GNAI2: variants seen among roughly 807,000 people sequenced by gnomAD.
GNAI2 encodes the protein guanine nucleotide-binding protein G(i) subunit alpha-2.
A neutral mutation model predicts 36.8 loss-of-function variants in GNAI2; 4 were observed. That is an observed-to-expected ratio of 0.11 (90% CI 0.05 to 0.25). The LOEUF (loss-of-function observed/expected upper bound fraction) is 0.25, where lower values mean the gene tolerates loss of function less well. Among genes scored for constraint, GNAI2 ranks in the 10% least tolerant of loss-of-function variants. The pLI is 1.00. For synonymous variants in GNAI2, 194 were observed against 194.1 expected (o/e 1.00, Z 0.01); for missense variants, 230 against 481.3 (o/e 0.48, Z 4.89).
chr3:50,246,817 G>T (rs1393070245), intron 1 of GNAI2: 10 of 1,024,216 alleles, frequency 9.8e-6, no homozygotes, highest in Non-Finnish European at 1.2e-5. Context: ...TGGGCAGGAA[G>T]GAGGCCCCAG....
rs1168688852 is a variant in GNAI2 at position 50,252,230 on chromosome 3, G to A, written c.161+88G>A. 5.6e-6 allele frequency: 8 copies of A among 1,435,036 alleles called. No homozygotes were observed. Among genetic ancestry groups the A allele is most frequent in the Admixed American group, 1.7e-5 (1 of 58,278 alleles). The allele number at this position is 1,435,036 out of a possible 1,614,324, so 88.9% of individuals were successfully genotyped here. ...TGCACTGCCCCCGACTACAGGCCCAGCCAGTCTTAGCCAGGCCCAGAATCT... is the reference window on the plus strand; with the variant it reads ...TGCACTGCCCCCGACTACAGGCCCAACCAGTCTTAGCCAGGCCCAGAATCT... On this transcript the variant is annotated intron_variant, in intron 2 of 8. Coordinates refer to ENST00000313601, the MANE Select transcript of GNAI2 (RefSeq NM_002070.4). The surrounding 1 kb of genome is among the most constrained non-coding windows in gnomAD (Gnocchi z 4.1).
upstream of GNAI2, among the ~76,000 whole-genome samples, chr3:50,231,431 G>A (rs781839132): frequency 3.3e-5 from 5 of 152,182 alleles, no homozygotes; most frequent in Admixed American, 6.5e-5. Context: ...GGCATGCGCT[G>A]CCACGCCCAG....
Position 50,252,423 on chromosome 3 carries a change from A to C in GNAI2, c.188A>C (p.Glu63Ala). ...MKIIHEDGYS[E>A]EECRQYRAVV... Reference sequence around the variant, plus strand: ...ATCATCCACGAGGATGGCTACTCCGAGGAGGAATGCCGGCAGTACCGGGCG... The same window carrying C: ...ATCATCCACGAGGATGGCTACTCCGCGGAGGAATGCCGGCAGTACCGGGCG... Residue 63 changes from glutamate (E) to alanine (A), a missense_variant, in exon 3 of 9, where the codon GAG (glutamate) becomes GCG (alanine). Physicochemically the swap from Glu to Ala is moderately radical, Grantham distance 107. Around this residue, in one of 4 missense-constraint regions of GNAI2, gnomAD observed 132 missense variants for 247.4 expected, o/e 0.53. Coordinates refer to ENST00000313601, the MANE Select transcript of GNAI2 (RefSeq NM_002070.4). This position sits in a 1 kb window ranked among gnomAD's most constrained non-coding sequence, Gnocchi z 4.1. The C allele has an allele frequency of 6.2e-7, 1 of 1,613,796 alleles. No homozygotes were observed. Among genetic ancestry groups the C allele is most frequent in the Non-Finnish European group, 8.5e-7 (1 of 1,179,988 alleles).
chr3:50,231,905 G>A (rs941089876), upstream of GNAI2, among the ~76,000 whole-genome samples: 1 of 152,038 alleles, frequency 6.6e-6, no homozygotes, highest in East Asian at 1.9e-4. Flanking sequence ...TACAGAAATC[G>A]CTACTATTGG....
intron 1 of GNAI2, among the ~76,000 whole-genome samples, chr3:50,240,406 G>A (rs1251459219): frequency 6.6e-6 from 1 of 152,160 alleles, no homozygotes; most frequent in Non-Finnish European, 1.5e-5. Context: ...GGTGTTTCCT[G>A]GCCTGGTGGG....
Position 50,255,327 on chromosome 3 carries a change from G to A in GNAI2, c.465-865G>A, listed in dbSNP as rs888188679. ...AGCCTTGATACTAATTAAGGGAACT[G>A]GTAATGAGGAGCCCCTGGGACCCCT... On this transcript the variant is annotated intron_variant, in intron 4 of 8. Coordinates refer to ENST00000313601, the MANE Select transcript of GNAI2 (RefSeq NM_002070.4). The surrounding 1 kb of genome is among the most constrained non-coding windows in gnomAD (Gnocchi z 4.0). 1.4e-4 allele frequency among the ~76,000 whole-genome samples: 22 copies of A among 152,144 alleles called. No homozygotes were observed. Among genetic ancestry groups the A allele is most frequent in the African/African-American group, 4.8e-4 (20 of 41,442 alleles).
chr3:50,254,639 A>T (rs1329830830), intron 4 of GNAI2, among the ~76,000 whole-genome samples: 14 of 152,184 alleles, frequency 9.2e-5, no homozygotes, highest in African/African-American at 2.9e-4. Context: ...TGGCCCAGCC[A>T]CCAGCGAGCT....
Position 50,236,248 on chromosome 3 carries a change from G to C in GNAI2, c.-88G>C. The C allele has an allele frequency of 1.7e-6, 2 of 1,204,598 alleles. No individual in the cohort carries two copies. Among genetic ancestry groups the C allele is most frequent in the Non-Finnish European group, 2.1e-6 (2 of 969,734 alleles). 74.6% of individuals were successfully genotyped at this position (1,204,598 alleles called of 1,614,324 possible). On this transcript the variant is annotated 5_prime_UTR_variant, in exon 1 of 9. Transcript: ENST00000313601. The surrounding 1 kb of genome is among the most constrained non-coding windows in gnomAD (Gnocchi z 4.0). ...CCCGAGTGCTTCCCGCAGAGGGCTGGTGGTGGGAGCGGAGTGGGTCGGGCG... is the reference window on the plus strand; with the variant it reads ...CCCGAGTGCTTCCCGCAGAGGGCTGCTGGTGGGAGCGGAGTGGGTCGGGCG...
At chr3:50,230,712 C>A, upstream of GNAI2, 1 of 670,096 alleles carries the variant, frequency 1.5e-6, no homozygotes, top group Non-Finnish European at 1.8e-6. Context: ...CTTCTCCATT[C>A]CAGCTGAGGG....
chr3:50,252,568 C>T lies in GNAI2; in HGVS notation c.303+30C>T. ...GTGCCCTCCGCCCCACCCTCTCCCA[C>T]CTCCCAAAAGGTTTCGGGGTGGCTG... On this transcript the variant is annotated intron_variant, in intron 3 of 8. Transcript: ENST00000313601. This position sits in a 1 kb window ranked among gnomAD's most constrained non-coding sequence, Gnocchi z 4.1. 2 of 1,593,562 alleles carry T rather than the reference C, an allele frequency of 1.3e-6. No homozygotes were observed. The highest frequency in any genetic ancestry group is 1.1e-5 in the South Asian group (1 of 90,040).
At chr3:50,247,030 T>A in intron 1 of GNAI2, 1 of 1,082,548 alleles carries the variant, frequency 9.2e-7, no homozygotes, top group Non-Finnish European at 1.4e-6. Context: ...TTCCTTCAAA[T>A]GAGATGACCA....
In GNAI2 at chr3:50,255,858, C is replaced by T. The variant is rs1329771917; in HGVS notation, c.465-334C>T. On this transcript the variant is annotated intron_variant, in intron 4 of 8. Transcript: ENST00000313601. The surrounding 1 kb of genome is among the most constrained non-coding windows in gnomAD (Gnocchi z 4.0). ...CTGAGGTTGAGAGGTCAAGACCATCCTGGCCAACATGGTGAAACCCCGTCT... is the reference window on the plus strand; with the variant it reads ...CTGAGGTTGAGAGGTCAAGACCATCTTGGCCAACATGGTGAAACCCCGTCT... 6.6e-6 allele frequency among the ~76,000 whole-genome samples: 1 copy of T among 151,930 alleles called. No homozygotes were observed. Among genetic ancestry groups the T allele is most frequent in the East Asian group, 1.9e-4 (1 of 5,170 alleles).
chr3:50,234,691 A>G (rs1396225673), upstream of GNAI2, among the ~76,000 whole-genome samples: 3 of 152,146 alleles, frequency 2.0e-5, no homozygotes, highest in African/African-American at 7.2e-5. Flanking sequence ...GGTTTATGCT[A>G]AACACCGGGC....
Position 50,256,939 on chromosome 3 carries a change from C to T in GNAI2, c.726C>T (p.Asn242=), listed in dbSNP as rs267599879. ...DLVLAEDEEM[N]RMHESMKLFD... The stretch of plus-strand genomic sequence containing the variant: ...TGACCTTGCTATTCTACCCCCAGAA[C>T]CGCATGCATGAGAGCATGAAGCTAT... Residue 242 remains asparagine, a splice_region_variant and synonymous_variant, in exon 7 of 9, where the codon AAC becomes AAT. Transcript: ENST00000313601. 6.2e-7 allele frequency: 1 copy of T among 1,614,128 alleles called. No individual in the cohort carries two copies. Among genetic ancestry groups the T allele is most frequent in the Non-Finnish European group, 8.5e-7 (1 of 1,180,002 alleles).
Position 50,258,005 on chromosome 3 carries a change from T to G in GNAI2, c.*24+291T>G, listed in dbSNP as rs1286002283. On this transcript the variant is annotated intron_variant, in intron 8 of 8. Transcript: ENST00000313601. Reference sequence around the variant, plus strand: ...CATCCTGATGTTCCCTGGAGAAATCTCACCTCCTCACCCACCAGGCCATTG... The same window carrying G: ...CATCCTGATGTTCCCTGGAGAAATCGCACCTCCTCACCCACCAGGCCATTG... 21 of 282,998 alleles carry G rather than the reference T, an allele frequency of 7.4e-5. 1 individual carries two copies. The highest frequency in any genetic ancestry group is 1.3e-4 in the Non-Finnish European group (20 of 151,052). The allele number at this position is 282,998 out of a possible 1,614,324, so 17.5% of individuals were successfully genotyped here.
upstream of GNAI2, among the ~76,000 whole-genome samples, chr3:50,227,831 C>T (rs1476450586): frequency 1.3e-5 from 2 of 152,234 alleles, no homozygotes; most frequent in Admixed American, 1.3e-4. The surrounding 1 kb of genome is among the most constrained non-coding windows in gnomAD (Gnocchi z 5.9). Flanking sequence ...TGCTGAGCCT[C>T]CTGGCTTTTT....
At chr3:50,232,890 G>A (rs1700094070), upstream of GNAI2, among the ~76,000 whole-genome samples, 1 of 151,858 alleles carries the variant, frequency 6.6e-6, no homozygotes, top group African/African-American at 2.4e-5. Flanking sequence ...TGGCTGGTGG[G>A]GGGATCATGA....
chr3:50,240,443 C>T (rs1700274526), intron 1 of GNAI2, among the ~76,000 whole-genome samples: 1 of 152,174 alleles, frequency 6.6e-6, no homozygotes. Context: ...CTGGACCAGC[C>T]CATGGGGTCA....
chr3:50,243,172 G>A (rs1458594556), intron 1 of GNAI2, among the ~76,000 whole-genome samples: 2 of 152,252 alleles, frequency 1.3e-5, no homozygotes, highest in Non-Finnish European at 2.9e-5. Flanking sequence ...GGCCATTCTA[G>A]TGGCGGTCAC....
Sources: allele counts gnomAD v4.1 joint callset (sites outside exome capture counted in the v4.1 genomes callset), GRCh38; gene constraint gnomAD v4.1.1; regional missense constraint gnomAD v4.1.1; non-coding constraint Gnocchi (gnomAD v3.1); transcripts MANE v1.5; gene names NCBI Gene and HGNC (gene_info 2026-07-23, HGNC 2026-07-21).